SYT1: variants seen among roughly 807,000 people sequenced by gnomAD.
SYT1 encodes the protein synaptotagmin-1.
In SYT1, 8 loss-of-function variants were observed where a neutral mutation model predicts 44.8. That is an observed-to-expected ratio of 0.18 (90% CI 0.10 to 0.32). The LOEUF (loss-of-function observed/expected upper bound fraction) is 0.32. Among genes scored for constraint, SYT1 ranks in the 10% least tolerant of loss-of-function variants. The pLI is 1.00. For synonymous variants in SYT1, 154 were observed against 188.8 expected, an observed-to-expected ratio of 0.82 and a Z score of 1.51; for missense variants, 286 against 509.3, an observed-to-expected ratio of 0.56 and a Z score of 4.22.
chr12:79,393,902 C>T (rs1884769287), intron 9 of SYT1: 1 of 152,202 alleles, frequency 6.6e-6, no homozygotes, highest in South Asian at 2.1e-4. Flanking sequence ...CCACTCCATC[C>T]TTCTCTCTGA....
At chr12:79,296,415 C>T (rs1435049435) in intron 7 of SYT1, among the ~76,000 whole-genome samples, 179 bp downstream of exon 7, 2 of 152,070 alleles carry the variant, frequency 1.3e-5, no homozygotes, top group African/African-American at 2.4e-5. Flanking sequence ...TGCCTTTCAG[C>T]GTGTTCAGAG....
intron 9 of SYT1, chr12:79,392,801 T>TC (rs1389591796): frequency 1.3e-5 from 2 of 149,920 alleles, no homozygotes; most frequent in East Asian, 2.0e-4. Flanking sequence ...TTTCTTTCTT[T>TC]TTTTTTTTTT....
intron 3 of SYT1, among the ~76,000 whole-genome samples, chr12:79,052,689 G>A (rs1196132292): frequency 6.6e-6 from 1 of 152,124 alleles, no homozygotes; most frequent in African/African-American, 2.4e-5. Flanking sequence ...ATCAAAAAGT[G>A]GGTGAAGGAT....
intron 9 of SYT1, among the ~76,000 whole-genome samples, chr12:79,421,547 T>C (rs1184251387): frequency 6.6e-6 from 1 of 152,128 alleles, no homozygotes; most frequent in Non-Finnish European, 1.5e-5. Flanking sequence ...CAAGACCCAA[T>C]TATATGTCAT....
chr12:78,974,455 G>T (rs1868663357), intron 1 of SYT1, among the ~76,000 whole-genome samples: 1 of 151,658 alleles, frequency 6.6e-6, no homozygotes, highest in South Asian at 2.1e-4. Context: ...TATTTATTTT[G>T]TGATGGAGTC....
chr12:78,892,955 A>T (rs1875138591), intron 1 of SYT1, among the ~76,000 whole-genome samples: 1 of 151,886 alleles, frequency 6.6e-6, no homozygotes, highest in Non-Finnish European at 1.5e-5. Context: ...AAGTAGCATT[A>T]TAATATTCTC....
chr12:78,977,505 A>C (rs1448337702), intron 1 of SYT1: 1 of 152,196 alleles, frequency 6.6e-6, no homozygotes, highest in Non-Finnish European at 1.5e-5. Flanking sequence ...CTTCTCCTCT[A>C]TAGACCAATG....
At chr12:79,206,322 A>C (rs527448375) in intron 3 of SYT1, among the ~76,000 whole-genome samples, 33 of 152,272 alleles carry the variant, frequency 2.2e-4, no homozygotes, top group African/African-American at 7.7e-4. Flanking sequence ...TTTGATGGTA[A>C]AGCCAATATT....
In SYT1 at chr12:79,249,373, G is replaced by A. The variant is rs189848792; in HGVS notation, c.166+31688G>A. ...CCCGCCTCGGCCTCCCAAAGTGCTG[G>A]GATTACAGGCTTGAGCCACCGCGCC... is the stretch of plus-strand genomic sequence containing the variant. On this transcript the variant is annotated intron_variant, in intron 4 of 10. Coordinates refer to ENST00000261205, the MANE Select transcript of SYT1 (RefSeq NM_005639.3). Among the ~76,000 whole-genome samples, 3 of 151,856 alleles carry A rather than the reference G, an allele frequency of 2.0e-5. No homozygotes were observed. In the East Asian group the frequency reaches 5.8e-4, roughly 29 times the overall value.
At chr12:79,430,723 C>A (rs944157907) in intron 9 of SYT1, among the ~76,000 whole-genome samples, 3 of 152,184 alleles carry the variant, frequency 2.0e-5, no homozygotes, top group Non-Finnish European at 2.9e-5. Flanking sequence ...GAGGTTGAGG[C>A]AGCAGTGAGC....
intron 3 of SYT1, among the ~76,000 whole-genome samples, chr12:79,092,990 C>T (rs1351944812): frequency 6.6e-6 from 1 of 151,624 alleles, no homozygotes; most frequent in African/African-American, 2.4e-5. Flanking sequence ...CTAGAAATTT[C>T]ATACAATTTT....
At chr12:78,967,442 T>C (rs1159201116) in intron 1 of SYT1, among the ~76,000 whole-genome samples, 1 of 152,062 alleles carries the variant, frequency 6.6e-6, no homozygotes, top group African/African-American at 2.4e-5. Context: ...AATTAGTCAG[T>C]GGACTGATAG....
chr12:79,134,478 A>T (rs769963102), intron 3 of SYT1, among the ~76,000 whole-genome samples: 27 of 152,184 alleles, frequency 1.8e-4, no homozygotes, highest in Non-Finnish European at 2.4e-4. Flanking sequence ...TCACACCCTG[A>T]TGACTGGTAC....
At chr12:79,348,562 T>C (rs117203446) in intron 8 of SYT1, among the ~76,000 whole-genome samples, 2 of 152,338 alleles carry the variant, frequency 1.3e-5, no homozygotes, top group Non-Finnish European at 2.9e-5. Context: ...TAAAACTTCT[T>C]GAAAGTCAGG....
intron 8 of SYT1, among the ~76,000 whole-genome samples, chr12:79,302,886 T>C (rs1880216185): frequency 6.6e-6 from 1 of 152,192 alleles, no homozygotes; most frequent in African/African-American, 2.4e-5. Context: ...GAAATATGTA[T>C]CCTCTGAGTT....
Position 79,129,540 on chromosome 12 carries a change from A to G in SYT1, c.-18+82178A>G, listed in dbSNP as rs372889983. 7.2e-5 allele frequency among the ~76,000 whole-genome samples: 11 copies of G among 152,318 alleles called. 1 individual carries two copies. In the East Asian group the frequency reaches 7.7e-4, roughly 11 times the overall value. On this transcript the variant is annotated intron_variant, in intron 3 of 10. Transcript: ENST00000261205. ...TATTGACCATGGATGCAATTTTCTA[A>G]AGCTTTGTAGAAATATTGATGTAAT...
chr12:78,871,408 GCTAA>G (rs1471212231), intron 1 of SYT1, among the ~76,000 whole-genome samples: 2 of 152,002 alleles, frequency 1.3e-5, no homozygotes, highest in East Asian at 1.9e-4. Flanking sequence ...AGGAGAAAGA[GCTAA>G]CTGAGTATCT....
chr12:78,875,013 C>T (rs1203725566), intron 1 of SYT1, among the ~76,000 whole-genome samples: 1 of 151,410 alleles, frequency 6.6e-6, no homozygotes, highest in Non-Finnish European at 1.5e-5. Flanking sequence ...TTAGTAGAAC[C>T]AAGAACAGCA....
At chr12:79,298,590 G>A (rs559117297) in intron 7 of SYT1, among the ~76,000 whole-genome samples, 1 of 152,230 alleles carries the variant, frequency 6.6e-6, no homozygotes, top group South Asian at 2.1e-4. Flanking sequence ...AGTTACTGAA[G>A]TGTAGCTTAC....
Sources: gnomAD v4.1 joint callset for allele counts (sites outside exome capture counted in the v4.1 genomes callset) on GRCh38, gnomAD v4.1.1 for gene constraint, MANE v1.5 for transcripts, NCBI Gene and HGNC (gene_info 2026-07-23, HGNC 2026-07-21) for gene names.